Variants in ABI1 observed in about 807,000 individuals in gnomAD.
ABI1 encodes the protein Abelson interactor 1.
A neutral mutation model predicts 54.6 loss-of-function variants in ABI1; 14 were observed. The ratio of observed to expected loss-of-function variants is 0.26; its 90% CI spans 0.17 to 0.40. The LOEUF is 0.40. Among genes scored for constraint, ABI1 ranks in the 10% least tolerant of loss-of-function variants. The pLI is 1.00. For missense variants in ABI1, 443 were observed against 598.3 expected (o/e 0.74, Z 2.71); for synonymous variants, 194 against 209.3 (o/e 0.93, Z 0.63).
In ABI1 at chr10:26,770,249, G is replaced by C; in HGVS notation, c.574C>G (p.Leu192Val). The C allele has an allele frequency of 6.2e-6, 10 of 1,613,184 alleles. No homozygotes were observed. Among genetic ancestry groups the C allele is most frequent in the Non-Finnish European group, 8.5e-6 (10 of 1,179,178 alleles). Residue 192 changes from leucine (L) to valine (V), a missense_variant, in exon 5 of 11, where the codon CTG (leucine) becomes GTG (valine). This residue lies in a region of ABI1 where 394 missense variants were observed against 484.8 expected (regional missense o/e 0.81). Transcript: ENST00000376140. ...AAAATGTAGTTGAATTCTTACCCCAGTGTTCCCCGGCCTGACATGGGAGGA... is the reference window on the plus strand; with the variant it reads ...AAAATGTAGTTGAATTCTTACCCCACTGTTCCCCGGCCTGACATGGGAGGA... ...PSPPMSGRGT[L>V]GRNTPYKTLE... is the part of the protein sequence containing the mutation.
intron 10 of ABI1, among the ~76,000 whole-genome samples, chr10:26,751,088 G>A (rs1837564026): frequency 1.0e-5 from 1 of 96,588 alleles, no homozygotes; most frequent in South Asian, 3.4e-4. Flanking sequence ...TTTTCAACTT[G>A]TATTTTTTTT....
chr10:26,793,875 T>A (rs1843772807), intron 2 of ABI1, among the ~76,000 whole-genome samples: 1 of 152,214 alleles, frequency 6.6e-6, no homozygotes, highest in Non-Finnish European at 1.5e-5. Flanking sequence ...CTTAAAAAGA[T>A]GATATATTTA....
At chr10:26,770,479 AC>A (rs1278730306) in intron 4 of ABI1, 134 bp from the exon 5 acceptor site, 1 of 939,068 alleles carries the variant, frequency 1.1e-6, no homozygotes, top group Admixed American at 1.7e-5. Flanking sequence ...AGACTTTGGT[AC>A]TACAGTTTAA....
At chr10:26,857,773 C>T (rs2050950734) in intron 1 of ABI1, among the ~76,000 whole-genome samples, 1 of 149,972 alleles carries the variant, frequency 6.7e-6, no homozygotes, top group Admixed American at 6.7e-5. Context: ...TGCTTGAGCC[C>T]AGGAGGTCAA....
chr10:26,770,490 A>C, intron 4 of ABI1, 145 bp from the exon 5 acceptor site: 1 of 878,166 alleles, frequency 1.1e-6, no homozygotes, highest in Non-Finnish European at 1.9e-6. Flanking sequence ...CTACAGTTTA[A>C]AAAGTCAAGG....
intron 1 of ABI1, among the ~76,000 whole-genome samples, chr10:26,831,226 C>T (rs1305648596): frequency 6.6e-6 from 1 of 151,356 alleles, no homozygotes. Context: ...ACCCAAATTT[C>T]TCCAACTTCC....
At chr10:26,827,837 C>G (rs1410730486) in intron 1 of ABI1, among the ~76,000 whole-genome samples, 1 of 152,194 alleles carries the variant, frequency 6.6e-6, no homozygotes, top group Non-Finnish European at 1.5e-5. Context: ...TGTGATTCCA[C>G]CCACCTCAGC....
chr10:26,789,396 C>G (rs894996195), intron 2 of ABI1, among the ~76,000 whole-genome samples: 1 of 152,150 alleles, frequency 6.6e-6, no homozygotes, highest in Non-Finnish European at 1.5e-5. Flanking sequence ...TGAATACATA[C>G]ACACATTTGA....
At chr10:26,836,632 C>T (rs920497271) in intron 1 of ABI1, among the ~76,000 whole-genome samples, 4 of 152,172 alleles carry the variant, frequency 2.6e-5, no homozygotes, top group Non-Finnish European at 4.4e-5. Context: ...TCTGTTGCAA[C>T]CATCTTGCAG....
intron 7 of ABI1, chr10:26,763,987 C>G: frequency 1.9e-6 from 3 of 1,566,064 alleles, no homozygotes; most frequent in Non-Finnish European, 1.7e-6. Flanking sequence ...TAATTCAGGT[C>G]AGAGTACAAG....
chr10:26,826,890 G>A (rs573900987), intron 1 of ABI1, among the ~76,000 whole-genome samples: 5 of 151,804 alleles, frequency 3.3e-5, no homozygotes, highest in African/African-American at 1.2e-4. Flanking sequence ...TTGGCTTAAG[G>A]GAATATTGTG....
intron 4 of ABI1, 84 bp downstream of exon 4, chr10:26,770,991 A>G: frequency 3.7e-6 from 5 of 1,363,526 alleles, no homozygotes; most frequent in Non-Finnish European, 5.2e-6. Context: ...AGACATAAGA[A>G]GAGTTTTCAA....
chr10:26,794,431 T>C (rs1843865042), intron 2 of ABI1, among the ~76,000 whole-genome samples: 1 of 151,310 alleles, frequency 6.6e-6, no homozygotes, highest in Non-Finnish European at 1.5e-5. Context: ...ATAAGTAAAA[T>C]AAAATTCTCT....
At chr10:26,773,189 T>C (rs900584564) in intron 3 of ABI1, among the ~76,000 whole-genome samples, 5 of 150,564 alleles carry the variant, frequency 3.3e-5, no homozygotes, top group Middle Eastern at 3.4e-3. Context: ...TTGTATGTCA[T>C]AGGCACTAAA....
At chr10:26,793,047 A>G (rs1487724988) in intron 2 of ABI1, among the ~76,000 whole-genome samples, 2 of 152,222 alleles carry the variant, frequency 1.3e-5, no homozygotes, top group Non-Finnish European at 2.9e-5. Context: ...TATCATCCTC[A>G]CAACTGCCAC....
chr10:26,789,474 G>A (rs779005197), intron 2 of ABI1, among the ~76,000 whole-genome samples: 4 of 152,008 alleles, frequency 2.6e-5, no homozygotes, highest in African/African-American at 4.8e-5. Flanking sequence ...TGGTGTTTCC[G>A]TTTCCTGACT....
intron 2 of ABI1, among the ~76,000 whole-genome samples, chr10:26,791,356 T>C (rs1300714351): frequency 1.3e-5 from 2 of 152,034 alleles, no homozygotes; most frequent in Non-Finnish European, 2.9e-5. Context: ...GGAAAAAAAC[T>C]TAAATGGTCT....
intron 2 of ABI1, among the ~76,000 whole-genome samples, chr10:26,788,355 G>A (rs1842962284): frequency 6.6e-6 from 1 of 152,038 alleles, no homozygotes; most frequent in African/African-American, 2.4e-5. Flanking sequence ...TATAAAATGG[G>A]AATAGCATAT....
intron 7 of ABI1, among the ~76,000 whole-genome samples, chr10:26,764,515 T>C (rs1351615560): frequency 1.3e-5 from 2 of 152,234 alleles, no homozygotes; most frequent in African/African-American, 4.8e-5. Flanking sequence ...TTCACCTTTA[T>C]AGACACTGAT....
Sources: gnomAD v4.1 joint callset for allele counts (sites outside exome capture counted in the v4.1 genomes callset) on GRCh38, gnomAD v4.1.1 for gene constraint, gnomAD v4.1.1 regional missense constraint, MANE v1.5 for transcripts, NCBI Gene and HGNC (gene_info 2026-07-23, HGNC 2026-07-21) for gene names.